The following FAT4 variants were observed in gnomAD, a reference collection of about 807,000 sequenced individuals.
FAT4 encodes FAT atypical cadherin 4, also known as protocadherin Fat 4.
In FAT4, 84 loss-of-function variants were observed where a neutral mutation model predicts 303.9. The ratio of observed to expected loss-of-function variants is 0.28; its 90% CI spans 0.23 to 0.33. FAT4 has a LOEUF of 0.33. Ranked by LOEUF, FAT4 falls within the 10% of genes least tolerant of loss-of-function variation. FAT4 has a pLI of 1.00. For synonymous variants in FAT4, 2,307 were observed against 2,298.8 expected (o/e 1.00, Z -0.10); for missense variants, 6,005 against 6,146.8 (o/e 0.98, Z 0.77).
Position 125,450,765 on chromosome 4 carries a change from T to C in FAT4, c.9755T>C (p.Ile3252Thr), listed in dbSNP as rs1490702664. ...GTCATTGACCCTAACACAGGAGTCA[T>C]AACCACTCAAGGCTTCTTGGATTTT... ...LFVIDPNTGV[I>T]TTQGFLDFET... Residue 3252 changes from isoleucine to threonine, a missense_variant, in exon 10 of 18, where the codon ATA becomes ACA. By Grantham distance (89) the Ile-to-Thr change is moderately conservative. Coordinates refer to ENST00000394329, the MANE Select transcript of FAT4 (RefSeq NM_001291303.3). 1.9e-6 allele frequency: 3 copies of C among 1,614,036 alleles called. No homozygotes were observed. Among genetic ancestry groups the C allele is most frequent in the Non-Finnish European group, 2.5e-6 (3 of 1,180,032 alleles).
At position 125,451,673 on chromosome 4, in the gene FAT4, C is replaced by T. The variant is rs1172861411; in HGVS notation, c.10663C>T (p.Pro3555Ser). ...PFTYYLLSTG[P>S]ATSYFSLSTA... is the part of the protein sequence containing the mutation. ...TACTTATTACTTGCTGAGCACAGGT[C>T]CTGCCACCAGTTATTTCAGTCTGAG... The change falls in exon 10 of 18, where the codon CCT becomes TCT. Residue 3555 changes from proline (P) to serine (S), a missense_variant. Coordinates refer to ENST00000394329, the MANE Select transcript of FAT4 (RefSeq NM_001291303.3). The T allele has an allele frequency of 1.2e-6, 2 of 1,614,118 alleles. 1 individual carries two copies. The highest frequency in any genetic ancestry group is 2.2e-5 in the South Asian group (2 of 91,066).
rs200529379 is a variant in FAT4 at position 125,319,589 on chromosome 4, C to T, written c.3178C>T (p.Arg1060Cys). The T allele has an allele frequency of 9.2e-5, 148 of 1,613,858 alleles. No individual in the cohort carries two copies. Among genetic ancestry groups the T allele is most frequent in the Non-Finnish European group, 7.8e-5 (92 of 1,179,776 alleles). The change falls in exon 2 of 18, where the codon CGT becomes TGT. Residue 1060 changes from arginine to cysteine, a missense_variant. Physicochemically the swap from Arg to Cys is radical, Grantham distance 180. Coordinates refer to ENST00000394329, the MANE Select transcript of FAT4 (RefSeq NM_001291303.3). ...GQLYIKSELD[R>C]ELQDRYVLMV... ...ATTGTATATAAAAAGTGAACTGGAC[C>T]GTGAACTTCAAGACAGATATGTTTT...
chr4:125,437,658 C>T (rs1725506913), intron 8 of FAT4, among the ~76,000 whole-genome samples: 1 of 152,054 alleles, frequency 6.6e-6, no homozygotes, highest in South Asian at 2.1e-4. Flanking sequence ...CAAAAGGCCA[C>T]TAAATACCCT....
chr4:125,479,890 C>A, intron 15 of FAT4, 25 bp downstream of exon 15: 1 of 1,486,262 alleles, frequency 6.7e-7, no homozygotes, highest in South Asian at 1.5e-5. Context: ...CCGTCTTCCC[C>A]TGGAAATTTT....
intron 2 of FAT4, among the ~76,000 whole-genome samples, chr4:125,330,240 G>T (rs1046799334): frequency 6.6e-6 from 1 of 151,472 alleles, no homozygotes; most frequent in Non-Finnish European, 1.5e-5. Context: ...ATCTCACATT[G>T]CAAATTAGGC....
chr4:125,369,905 G>C (rs1204885940), intron 2 of FAT4, among the ~76,000 whole-genome samples: 1 of 152,014 alleles, frequency 6.6e-6, no homozygotes, highest in Non-Finnish European at 1.5e-5. Flanking sequence ...ATTTTACTTA[G>C]CATAATGTCC....
intron 8 of FAT4, among the ~76,000 whole-genome samples, chr4:125,440,262 G>A (rs1322530453): frequency 6.6e-6 from 1 of 151,600 alleles, no homozygotes; most frequent in South Asian, 2.1e-4. Flanking sequence ...TGTTTTCTCT[G>A]ACCATTTATT....
At chr4:125,414,262 A>G (rs1194986475) in intron 5 of FAT4, among the ~76,000 whole-genome samples, 4 of 152,124 alleles carry the variant, frequency 2.6e-5, no homozygotes, top group African/African-American at 9.7e-5. Context: ...AACAGTATCT[A>G]AATACAGTTC....
intron 2 of FAT4, among the ~76,000 whole-genome samples, chr4:125,326,713 CTT>C (rs1731170209): frequency 6.6e-6 from 1 of 152,116 alleles, no homozygotes; most frequent in African/African-American, 2.4e-5. Context: ...TTTTTAATAA[CTT>C]TGTTTTCACT....
At chr4:125,375,404 A>G (rs1022469919) in intron 2 of FAT4, among the ~76,000 whole-genome samples, 3 of 152,218 alleles carry the variant, frequency 2.0e-5, no homozygotes, top group African/African-American at 7.2e-5. Context: ...TTTATTTTCT[A>G]TCTTGTTTCA....
intron 12 of FAT4, among the ~76,000 whole-genome samples, chr4:125,472,181 C>G (rs1578684043): frequency 6.7e-6 from 1 of 150,084 alleles, no homozygotes; most frequent in East Asian, 2.0e-4. Context: ...CTAGCCAAAA[C>G]AACAAAATAA....
chr4:125,368,486 GAT>G (rs1170884777), intron 2 of FAT4, among the ~76,000 whole-genome samples: 12 of 140,032 alleles, frequency 8.6e-5, no homozygotes, highest in Non-Finnish European at 1.5e-4. Context: ...CTCTAGTTAG[GAT>G]ATATATATAT....
At chr4:125,470,769 C>T (rs1354256097) in intron 12 of FAT4, among the ~76,000 whole-genome samples, 1 of 152,182 alleles carries the variant, frequency 6.6e-6, no homozygotes, top group African/African-American at 2.4e-5. Context: ...AAACTTTCTC[C>T]ATATCAGCAA....
intron 2 of FAT4, among the ~76,000 whole-genome samples, chr4:125,396,318 A>T (rs116577401): frequency 0.018 from 2,815 of 152,254 alleles, 93 homozygotes; most frequent in African/African-American, 0.065. Context: ...TAAAAAAATC[A>T]GGTATGTTTA....
rs1406984988 is a variant in FAT4 at position 125,319,933 on chromosome 4, G to A, written c.3522G>A (p.Val1174=). ...TTATGAGGCGGAGAGGGACTGCTGT[G>A]TTTAGCTTTACAGTCATAGCAACAG... The part of the protein sequence containing the change: ...ESLMRRRGTA[V]FSFTVIATDQ... Residue 1174 remains valine (V), a synonymous_variant, in exon 2 of 18, where the codon GTG becomes GTA. Transcript: ENST00000394329. 6.2e-7 allele frequency: 1 copy of A among 1,613,716 alleles called. No individual in the cohort carries two copies. Among genetic ancestry groups the A allele is most frequent in the Non-Finnish European group, 8.5e-7 (1 of 1,180,014 alleles).
intron 10 of FAT4, among the ~76,000 whole-genome samples, chr4:125,454,077 A>G (rs1560619343): frequency 6.6e-6 from 1 of 152,244 alleles, no homozygotes; most frequent in Non-Finnish European, 1.5e-5. Flanking sequence ...CATGCATATT[A>G]CATTGAGTTA....
At chr4:125,481,017 C>T (rs1254851702) in intron 15 of FAT4, among the ~76,000 whole-genome samples, 4 of 151,802 alleles carry the variant, frequency 2.6e-5, no homozygotes, top group African/African-American at 7.3e-5. Flanking sequence ...ACTGATTATA[C>T]ATGATGATAA....
intron 2 of FAT4, among the ~76,000 whole-genome samples, chr4:125,378,068 A>T (rs945231379): frequency 6.6e-6 from 1 of 152,112 alleles, no homozygotes; most frequent in Non-Finnish European, 1.5e-5. Context: ...CTTCGATAAC[A>T]TAAGCTTAGT....
rs149392444 is a variant in FAT4 at position 125,450,422 on chromosome 4, A to G, written c.9412A>G (p.Ile3138Val). 2.1e-5 allele frequency: 34 copies of G among 1,614,022 alleles called. No homozygotes were observed. The African/African-American group carries it at 4.4e-4, about 21-fold the overall frequency. ...YSISSGNEEG[I>V]FAINSSTGIL... Reference sequence around the variant, plus strand: ...CATTTCTTCAGGAAATGAAGAAGGCATTTTTGCAATCAATTCTTCTACAGG... The same window carrying G: ...CATTTCTTCAGGAAATGAAGAAGGCGTTTTTGCAATCAATTCTTCTACAGG... Residue 3138 changes from isoleucine to valine, a missense_variant, in exon 10 of 18, where the codon ATT becomes GTT. Ile to Val is a conservative substitution (Grantham distance 29, BLOSUM62 3). Transcript: ENST00000394329.
Sources: allele counts gnomAD v4.1 joint callset (sites outside exome capture counted in the v4.1 genomes callset), GRCh38; gene constraint gnomAD v4.1.1; transcripts MANE v1.5; gene names NCBI Gene and HGNC (gene_info 2026-07-23, HGNC 2026-07-21).